RBL1: variants seen among roughly 807,000 people sequenced by gnomAD.
The protein encoded by RBL1 is RB transcriptional corepressor like 1.
A neutral mutation model predicts 123.0 loss-of-function variants in RBL1; 82 were observed. That is an observed-to-expected ratio of 0.67 (90% CI 0.56 to 0.80). The LOEUF (loss-of-function observed/expected upper bound fraction) is 0.80. Among genes scored for constraint, RBL1 ranks in the 30% least tolerant of loss-of-function variants. The pLI, the probability that RBL1 is intolerant of heterozygous loss-of-function variation, is 0.00. For synonymous variants in RBL1, 405 were observed against 441.3 expected (o/e 0.92, Z 1.03); for missense variants, 1,171 against 1,299.6 (o/e 0.90, Z 1.52).
At chr20:37,051,352 G>A (rs904427248) in intron 11 of RBL1, among the ~76,000 whole-genome samples, 6 of 151,948 alleles carry the variant, frequency 3.9e-5, no homozygotes, top group Non-Finnish European at 7.4e-5. Context: ...GGATAATTTG[G>A]TATTTTTTAG....
At chr20:37,044,001 T>G in intron 13 of RBL1, 85 bp downstream of exon 13, 3 of 1,147,566 alleles carry the variant, frequency 2.6e-6, no homozygotes, top group Non-Finnish European at 3.6e-6. Flanking sequence ...GGGTGAACTC[T>G]ATGGTATAGG....
At chr20:37,041,073 G>A (rs1276999170) in intron 13 of RBL1, among the ~76,000 whole-genome samples, 1 of 152,180 alleles carries the variant, frequency 6.6e-6, no homozygotes, top group Non-Finnish European at 1.5e-5. Flanking sequence ...GTATGGAAGA[G>A]AGATTTCAAG....
intron 13 of RBL1, among the ~76,000 whole-genome samples, chr20:37,041,020 G>A (rs944324904): frequency 6.6e-6 from 1 of 152,186 alleles, no homozygotes; most frequent in African/African-American, 2.4e-5. Flanking sequence ...GAATACTGAA[G>A]AGTGGCCCAA....
intron 20 of RBL1, among the ~76,000 whole-genome samples, chr20:37,006,046 C>G (rs1258854761): frequency 1.3e-5 from 2 of 151,142 alleles, no homozygotes; most frequent in Non-Finnish European, 3.0e-5. Flanking sequence ...AAGGTGTGTA[C>G]CAGCCACTAC....
intron 12 of RBL1, among the ~76,000 whole-genome samples, chr20:37,044,920 A>G (rs1034360430): frequency 3.9e-5 from 6 of 152,228 alleles, no homozygotes; most frequent in East Asian, 1.9e-4. Context: ...CACTAACTCA[A>G]AATAACAGAA....
intron 9 of RBL1, among the ~76,000 whole-genome samples, chr20:37,059,921 C>T (rs2065066965): frequency 6.6e-6 from 1 of 151,926 alleles, no homozygotes; most frequent in East Asian, 1.9e-4. Flanking sequence ...GTCTGTAATC[C>T]CAGCACTTTG....
intron 16 of RBL1, among the ~76,000 whole-genome samples, chr20:37,031,784 G>A (rs577262851): frequency 1.3e-4 from 20 of 152,208 alleles, no homozygotes; most frequent in Admixed American, 4.6e-4. Context: ...TGTTGCCCAG[G>A]CTGGAGCGCA....
chr20:37,028,927 T>A (rs188165139), intron 16 of RBL1, among the ~76,000 whole-genome samples: 3 of 152,154 alleles, frequency 2.0e-5, no homozygotes, highest in African/African-American at 7.2e-5. Flanking sequence ...CCACTATCTC[T>A]TACGAATATT....
intron 14 of RBL1, among the ~76,000 whole-genome samples, chr20:37,037,937 G>C (rs375035983): frequency 2.0e-5 from 3 of 150,524 alleles, no homozygotes; most frequent in Non-Finnish European, 2.9e-5. Context: ...TGCCCGCCTC[G>C]GCCTCCCAAA....
In RBL1 at chr20:36,997,637, T is replaced by C. The variant is rs2063902654; in HGVS notation, c.*1122A>G. On this transcript the variant is annotated 3_prime_UTR_variant, in exon 22 of 22. Transcript: ENST00000373664. ...CAGTATATCACACATAATCATGGTG[T>C]TACCTTACTAATAGGAATTTAGTTT... 2 of 152,184 alleles carry C rather than the reference T, an allele frequency of 1.3e-5. No individual in the cohort carries two copies. The highest frequency in any genetic ancestry group is 2.4e-5 in the African/African-American group (1 of 41,438). The allele number at this position is 152,184 out of a possible 1,614,324, so 9.4% of individuals were successfully genotyped here. A position where few individuals can be genotyped will look rare whatever the true frequency, so the allele number is the denominator to read the frequency against.
At chr20:37,082,247 T>C (rs1052770506) in intron 2 of RBL1, among the ~76,000 whole-genome samples, 3 of 152,216 alleles carry the variant, frequency 2.0e-5, no homozygotes, top group Middle Eastern at 3.4e-3. Flanking sequence ...GCCCTGCACC[T>C]CAGTGGAGCA....
chr20:37,077,578 G>A (rs1486859791), intron 2 of RBL1, among the ~76,000 whole-genome samples: 1 of 152,032 alleles, frequency 6.6e-6, no homozygotes, highest in South Asian at 2.1e-4. Flanking sequence ...CCAACATGGG[G>A]CCTACCCCAT....
chr20:37,016,988 G>T (rs1568826117), intron 19 of RBL1, among the ~76,000 whole-genome samples: 3 of 151,346 alleles, frequency 2.0e-5, no homozygotes, highest in African/African-American at 7.3e-5. Flanking sequence ...GAGAGGAGAG[G>T]GGAGAGGAGA....
intron 13 of RBL1, among the ~76,000 whole-genome samples, chr20:37,041,378 A>G (rs953914083): frequency 6.6e-6 from 1 of 151,930 alleles, no homozygotes. Context: ...CTGGAGTGCA[A>G]TGGCACGATC....
chr20:37,023,362 A>C (rs953520140), intron 16 of RBL1, among the ~76,000 whole-genome samples: 2 of 152,148 alleles, frequency 1.3e-5, no homozygotes, highest in Non-Finnish European at 2.9e-5. Flanking sequence ...ACCTCAAGTA[A>C]TCCATGCACT....
chr20:37,010,222 G>A (rs563833215), intron 19 of RBL1, among the ~76,000 whole-genome samples: 15 of 151,976 alleles, frequency 9.9e-5, no homozygotes, highest in Admixed American at 4.6e-4. Context: ...TTACAGGTGT[G>A]AGCCACCATG....
chr20:37,001,498 A>G (rs993433937), intron 21 of RBL1, among the ~76,000 whole-genome samples: 36 of 151,680 alleles, frequency 2.4e-4, no homozygotes, highest in Non-Finnish European at 4.0e-4. Context: ...TGCTATGTCC[A>G]CTCAGGGTTG....
chr20:37,082,053 G>A (rs1404374015), intron 2 of RBL1: 1 of 455,472 alleles, frequency 2.2e-6, no homozygotes, highest in Non-Finnish European at 4.4e-6. Context: ...CAGAGCATGT[G>A]TCTCTATGCC....
intron 2 of RBL1, among the ~76,000 whole-genome samples, chr20:37,071,930 A>G (rs2065287380): frequency 6.6e-6 from 1 of 152,112 alleles, no homozygotes; most frequent in South Asian, 2.1e-4. Flanking sequence ...TGCTTCCTAT[A>G]CGGCCTGCAG....
Sources: allele counts gnomAD v4.1 joint callset (sites outside exome capture counted in the v4.1 genomes callset), GRCh38; gene constraint gnomAD v4.1.1; transcripts MANE v1.5; gene names NCBI Gene and HGNC (gene_info 2026-07-23, HGNC 2026-07-21).